ACTR8: variants seen among roughly 807,000 people sequenced by gnomAD.
ACTR8 encodes actin related protein 8, also known as actin-related protein 8.
ACTR8 carries 70 observed loss-of-function variants against 84.3 expected under a neutral mutation model. The observed-to-expected ratio is 0.83, with a 90% CI of 0.68 to 1.01. The LOEUF (loss-of-function observed/expected upper bound fraction) is 1.01, where lower values mean the gene tolerates loss of function less well. Ranked by LOEUF, ACTR8 falls within the 50% of genes least tolerant of loss-of-function variation. The pLI is 0.00. For missense variants in ACTR8, 672 were observed against 775.4 expected (o/e 0.87, Z 1.58); for synonymous variants, 268 against 275.2 (o/e 0.97, Z 0.26).
chr3:53,861,047 G>T, the ACTR8 span: 3 of 152,188 alleles, frequency 2.0e-5, no homozygotes, highest in African/African-American at 2.4e-5. Flanking sequence ...TGTTGCTACT[G>T]TGGTGAGCTC....
intron 8 of ACTR8, among the ~76,000 whole-genome samples, chr3:53,873,863 C>T (rs1186405140): frequency 2.6e-5 from 4 of 152,170 alleles, no homozygotes; most frequent in Non-Finnish European, 4.4e-5. Flanking sequence ...CTCGCTTTGT[C>T]GCCGAGGCTG....
the ACTR8 span, chr3:53,860,691 G>C: frequency 6.6e-6 from 1 of 152,112 alleles, no homozygotes; most frequent in Non-Finnish European, 1.5e-5. Flanking sequence ...ACATATATTG[G>C]AAAATTTTTT....
intron 1 of ACTR8, 84 bp downstream of exon 1, chr3:53,881,895 A>C: frequency 6.5e-7 from 1 of 1,541,576 alleles, no homozygotes; most frequent in Non-Finnish European, 8.7e-7. Context: ...GGGGGACTCG[A>C]AGCCTCCCGC....
intron 8 of ACTR8, among the ~76,000 whole-genome samples, chr3:53,873,820 T>TTATA (rs1699925714): frequency 6.6e-6 from 1 of 152,058 alleles, no homozygotes; most frequent in African/African-American, 2.4e-5. Context: ...TTACTTCATT[T>TTATA]TATTTATTTA....
At position 53,878,357 on chromosome 3, in the gene ACTR8, C is replaced by G. The variant is rs773787033; in HGVS notation, c.405G>C (p.Gln135His). ...AATAAATCTGAAGAGTTAATCGAACCTGTTCAGGGGACACAGGAATGCGTC... is the reference window on the plus strand; with the variant it reads ...AATAAATCTGAAGAGTTAATCGAACGTGTTCAGGGGACACAGGAATGCGTC... ...GTRRIPVSPE[Q>H]ARSYNKQMRP... Residue 135 changes from glutamine to histidine, a missense_variant and splice_region_variant, in exon 3 of 13, where the codon CAG becomes CAC. Physicochemically the swap from Gln to His is conservative, Grantham distance 24 (BLOSUM62 0). Transcript: ENST00000335754. The G allele has an allele frequency of 1.3e-6, 2 of 1,597,918 alleles. No homozygotes were observed. Among genetic ancestry groups the G allele is most frequent in the Non-Finnish European group, 1.7e-6 (2 of 1,166,272 alleles).
intron 4 of ACTR8, 126 bp downstream of exon 4, chr3:53,877,521 T>G: frequency 7.8e-7 from 1 of 1,283,446 alleles, no homozygotes; most frequent in Non-Finnish European, 1.1e-6. Context: ...TCGGTGTGAC[T>G]ATCTGGTACT....
At chr3:53,869,592 T>C (rs908089146) in intron 12 of ACTR8, among the ~76,000 whole-genome samples, 2 of 152,172 alleles carry the variant, frequency 1.3e-5, no homozygotes, top group African/African-American at 4.8e-5. Flanking sequence ...CTTTTCAAGA[T>C]AGTTCAAACC....
the ACTR8 span, chr3:53,859,180 A>G: frequency 6.0e-6 from 1 of 166,754 alleles, no homozygotes; most frequent in Non-Finnish European, 1.3e-5. Flanking sequence ...TTCTGATTCA[A>G]TTACCAGTCT....
At chr3:53,869,000 A>T in intron 12 of ACTR8, 138 bp from the exon 13 acceptor site, 1 of 1,245,046 alleles carries the variant, frequency 8.0e-7, no homozygotes, top group Non-Finnish European at 1.1e-6. Flanking sequence ...TAAAGACAGC[A>T]GGATTAAATA....
In ACTR8 at chr3:53,868,448, C is replaced by T; in HGVS notation, c.*271G>A. ...GAACCTTCAATAGCAACGTTTACAT[C>T]ACTGGGGAGTTTATGAGACCCTGAG... is the stretch of plus-strand genomic sequence containing the variant. On this transcript the variant is annotated 3_prime_UTR_variant, in exon 13 of 13. Coordinates refer to ENST00000335754, the MANE Select transcript of ACTR8 (RefSeq NM_022899.5). The T allele has an allele frequency of 5.0e-6, 2 of 400,234 alleles. No homozygotes were observed. The highest frequency in any genetic ancestry group is 8.9e-6 in the Non-Finnish European group (2 of 224,902). The allele number at this position is 400,234 out of a possible 1,614,324, so 24.8% of individuals were successfully genotyped here. A position where few individuals can be genotyped will look rare whatever the true frequency, so the allele number is the denominator to read the frequency against.
intron 1 of ACTR8, among the ~76,000 whole-genome samples, chr3:53,880,513 T>C (rs1700042013): frequency 6.6e-6 from 1 of 152,180 alleles, no homozygotes; most frequent in Non-Finnish European, 1.5e-5. Flanking sequence ...TCACAGTTAC[T>C]GTGAGAATTA....
chr3:53,876,628 C>T lies in ACTR8; in HGVS notation c.770G>A (p.Gly257Asp). The T allele has an allele frequency of 6.4e-7, 1 of 1,568,442 alleles. No individual in the cohort carries two copies. The highest frequency in any genetic ancestry group is 2.3e-5 in the East Asian group (1 of 44,192). ...ELVNMILMKMGFSGIVVHQES... is the reference protein window; with the variant it reads ...ELVNMILMKMDFSGIVVHQES... ...TGGGATATCAGACATACCTGAAAAA[C>T]CCATCTTCATTAGTATCATATTCAC... is the stretch of plus-strand genomic sequence containing the variant. Residue 257 changes from glycine (G) to aspartate (D), a missense_variant, in exon 6 of 13, where the codon GGT becomes GAT. Transcript: ENST00000335754.
chr3:53,876,219 C>T (rs1352850712), intron 6 of ACTR8, 139 bp from the exon 7 acceptor site: 2 of 1,136,374 alleles, frequency 1.8e-6, no homozygotes, highest in Non-Finnish European at 2.4e-6. Flanking sequence ...TCAGAATAAG[C>T]ATTTAAATAA....
Position 53,877,379 on chromosome 3 carries a change from A to G in ACTR8, c.519T>C (p.Tyr173=), listed in dbSNP as rs1699991909. The G allele has an allele frequency of 1.3e-6, 2 of 1,599,334 alleles. No individual in the cohort carries two copies. Among genetic ancestry groups the G allele is most frequent in the East Asian group, 2.2e-5 (1 of 44,776 alleles). The part of the protein sequence containing the change: ...PEYLVGEEAL[Y]VNPLDCYNIH... The stretch of plus-strand genomic sequence containing the variant: ...TATTGTAACAGTCCAGTGGATTAAC[A>G]TACAAGGCCTAGAAAAGGAGGAGGG... The change falls in exon 5 of 13, where the codon TAT becomes TAC. Residue 173 remains tyrosine (Y), a synonymous_variant. Transcript: ENST00000335754.
chr3:53,872,946 T>C (rs1309258890), intron 9 of ACTR8, 86 bp downstream of exon 9: 2 of 1,077,878 alleles, frequency 1.9e-6, no homozygotes, highest in East Asian at 2.6e-5. Flanking sequence ...GATCTCACAA[T>C]GTTTCCAGCA....
Position 53,876,721 on chromosome 3 carries a change from G to A in ACTR8, c.685-8C>T. The A allele has an allele frequency of 7.1e-7, 1 of 1,412,146 alleles. No homozygotes were observed. Among genetic ancestry groups the A allele is most frequent in the Non-Finnish European group, 9.8e-7 (1 of 1,019,100 alleles). 87.5% of individuals were successfully genotyped at this position (1,412,146 alleles called of 1,614,324 possible). A position where few individuals can be genotyped will look rare whatever the true frequency, so the allele number is the denominator to read the frequency against. ...CAAGATACATCTATAATACTAAAAA[G>A]AAGAACAAAGATAAAAGGGTTAGCA... On this transcript the variant is annotated splice_polypyrimidine_tract_variant and splice_region_variant and intron_variant, in intron 5 of 12. Coordinates refer to ENST00000335754, the MANE Select transcript of ACTR8 (RefSeq NM_022899.5).
At chr3:53,872,309 A>G (rs1223708603) in intron 10 of ACTR8, 75 bp downstream of exon 10, 3 of 1,420,370 alleles carry the variant, frequency 2.1e-6, no homozygotes, top group East Asian at 2.5e-5. Flanking sequence ...ACTGATTACA[A>G]TGGCCTATTA....
chr3:53,881,816 C>G (rs1700066259), intron 1 of ACTR8, 163 bp downstream of exon 1: 1 of 1,212,120 alleles, frequency 8.3e-7, no homozygotes. Context: ...CCTCGGCGTC[C>G]CGGCGCGCCA....
chr3:53,868,475 G>C lies in ACTR8; in HGVS notation c.*244C>G. ...CTGGGGAGTTTATGAGACCCTGAGA[G>C]AGGGCAAGAGAGTTTACAACTGAAG... On this transcript the variant is annotated 3_prime_UTR_variant, in exon 13 of 13. Coordinates refer to ENST00000335754, the MANE Select transcript of ACTR8 (RefSeq NM_022899.5). The C allele has an allele frequency of 2.1e-6, 1 of 484,634 alleles. No homozygotes were observed. Among genetic ancestry groups the C allele is most frequent in the Non-Finnish European group, 3.6e-6 (1 of 279,868 alleles). 30.0% of individuals were successfully genotyped at this position (484,634 alleles called of 1,614,324 possible).
Sources: allele counts gnomAD v4.1 joint callset (sites outside exome capture counted in the v4.1 genomes callset), GRCh38; gene constraint gnomAD v4.1.1; transcripts MANE v1.5; gene names NCBI Gene and HGNC (gene_info 2026-07-23, HGNC 2026-07-21).